CECR2: variants seen among roughly 807,000 people sequenced by gnomAD.
CECR2 encodes CECR2 histone acetyl-lysine reader.
A neutral mutation model predicts 154.5 loss-of-function variants in CECR2; 30 were observed. That is an observed-to-expected ratio of 0.19 (90% confidence interval 0.15 to 0.26). CECR2 has a LOEUF of 0.26. Ranked by LOEUF, CECR2 falls within the 10% of genes least tolerant of loss-of-function variation. The pLI is 1.00. For synonymous variants in CECR2, 725 were observed against 683.7 expected, an observed-to-expected ratio of 1.06 and a Z score of -0.94; for missense variants, 1,743 against 1,829.3, an observed-to-expected ratio of 0.95 and a Z score of 0.86.
intron 1 of CECR2, among the ~76,000 whole-genome samples, chr22:17,391,871 C>G (rs1429279123): frequency 3.3e-5 from 5 of 152,168 alleles, no homozygotes; most frequent in Non-Finnish European, 5.9e-5. Flanking sequence ...GCGCAATCTC[C>G]GCTCACTGTA....
chr22:17,407,906 TCTGAAGCCA>T (rs2054009171), intron 1 of CECR2, among the ~76,000 whole-genome samples: 1 of 152,200 alleles, frequency 6.6e-6, no homozygotes, highest in Admixed American at 6.5e-5. Context: ...GAAACGCTGG[TCTGAAGCCA>T]GCTTATCTTG....
chr22:17,491,294 C>G lies in CECR2; in HGVS notation c.222-6109C>G, dbSNP rs927092538. 9.9e-5 allele frequency among the ~76,000 whole-genome samples: 15 copies of G among 152,236 alleles called. No individual in the cohort carries two copies. In the East Asian group the frequency reaches 2.9e-3, roughly 29 times the overall value. ...TGGCGAAACTTCCACAGCAGCTGCA[C>G]ACTTAGCCTTCCCACCGGCCGTGTG... On this transcript the variant is annotated intron_variant, in intron 2 of 18. Coordinates refer to ENST00000262608, the MANE Select transcript of CECR2 (RefSeq NM_001290047.2).
intron 1 of CECR2, among the ~76,000 whole-genome samples, chr22:17,380,814 A>G (rs1276135027): frequency 1.3e-5 from 2 of 152,340 alleles, no homozygotes; most frequent in Middle Eastern, 3.4e-3. Flanking sequence ...AGTCTTGTTG[A>G]CTGCAAGAGT....
intron 1 of CECR2, among the ~76,000 whole-genome samples, chr22:17,452,774 A>T (rs887670709): frequency 6.6e-6 from 1 of 152,132 alleles, no homozygotes; most frequent in African/African-American, 2.4e-5. Context: ...AGGGAAGGTA[A>T]TTTTTGGAGC....
At chr22:17,429,672 C>T (rs967888396) in intron 1 of CECR2, among the ~76,000 whole-genome samples, 1 of 152,008 alleles carries the variant, frequency 6.6e-6, no homozygotes, top group Non-Finnish European at 1.5e-5. Flanking sequence ...AACTATACAG[C>T]GTTGGATGAG....
chr22:17,437,200 C>G (rs1388586481), intron 1 of CECR2, among the ~76,000 whole-genome samples: 1 of 152,114 alleles, frequency 6.6e-6, no homozygotes, highest in East Asian at 1.9e-4. Flanking sequence ...CATGTCTTCC[C>G]CTTCCCCCTT....
intron 8 of CECR2, among the ~76,000 whole-genome samples, chr22:17,517,036 G>A (rs929317147): frequency 6.6e-6 from 1 of 151,926 alleles, no homozygotes; most frequent in Non-Finnish European, 1.5e-5. Flanking sequence ...CTGCCACCAC[G>A]CCTGGCTAAT....
At chr22:17,536,772 CTT>C (rs915632916) in intron 9 of CECR2, among the ~76,000 whole-genome samples, 1 of 152,126 alleles carries the variant, frequency 6.6e-6, no homozygotes, top group African/African-American at 2.4e-5. Context: ...CAACCTTGTA[CTT>C]TTTCCTTTTT....
At chr22:17,433,772 A>C (rs2054462275) in intron 1 of CECR2, among the ~76,000 whole-genome samples, 1 of 152,190 alleles carries the variant, frequency 6.6e-6, no homozygotes, top group Non-Finnish European at 1.5e-5. Flanking sequence ...GTTACTGTGA[A>C]TATCCAAATA....
rs568504117 is a variant in CECR2 at position 17,548,736 on chromosome 22, C to G, written c.3449C>G (p.Ser1150Cys). ...QGVGPVMGGK[S>C]PASHPQHFPP... ...GTGGGCCCTGTGATGGGAGGGAAGT[C>G]CCCAGCATCCCATCCCCAGCATTTT... The change falls in exon 17 of 19, where the codon TCC (serine) becomes TGC (cysteine). Residue 1150 changes from serine to cysteine, a missense_variant. Ser to Cys is a moderately radical substitution (Grantham distance 112). Transcript: ENST00000262608. 1 of 1,613,612 alleles carries G rather than the reference C, an allele frequency of 6.2e-7. No individual in the cohort carries two copies. Among genetic ancestry groups the G allele is most frequent in the Non-Finnish European group, 8.5e-7 (1 of 1,179,786 alleles).
At chr22:17,404,364 C>CCTTTTTTTTTTTTTTTTTTTTTTTTTT (rs781954770) in intron 1 of CECR2, among the ~76,000 whole-genome samples, 1 of 59,608 alleles carries the variant, frequency 1.7e-5, no homozygotes, top group African/African-American at 7.5e-5. Flanking sequence ...GGACCCTGTT[C>CCTTTTTTTTTTTTTTTTTTTTTTTTTT]TTTCTTTTTT....
intron 1 of CECR2, among the ~76,000 whole-genome samples, chr22:17,467,798 A>G (rs2055058874): frequency 8.1e-6 from 1 of 123,268 alleles, no homozygotes; most frequent in Admixed American, 8.0e-5. Flanking sequence ...AAAGAAAGAA[A>G]GAGAGAGAGA....
At chr22:17,552,322 A>G (rs969792109) in intron 18 of CECR2, among the ~76,000 whole-genome samples, 180 bp downstream of exon 18, 8 of 152,100 alleles carry the variant, frequency 5.3e-5, no homozygotes, top group Non-Finnish European at 1.0e-4. Context: ...GTCACCTCTC[A>G]CATGTCTCTT....
chr22:17,539,345 G>A (rs1223825485), intron 13 of CECR2, among the ~76,000 whole-genome samples: 1 of 152,140 alleles, frequency 6.6e-6, no homozygotes, highest in African/African-American at 2.4e-5. Flanking sequence ...GGCTCATCCT[G>A]GAGACCAGTC....
At chr22:17,430,298 T>C (rs2054401908) in intron 1 of CECR2, among the ~76,000 whole-genome samples, 1 of 152,146 alleles carries the variant, frequency 6.6e-6, no homozygotes, top group Admixed American at 6.6e-5. Flanking sequence ...TGTGCACGGG[T>C]TCCTGATGAA....
intron 2 of CECR2, among the ~76,000 whole-genome samples, chr22:17,489,933 AAAC>A (rs1167464912): frequency 1.3e-5 from 2 of 151,390 alleles, no homozygotes; most frequent in East Asian, 3.9e-4. Flanking sequence ...TTTTTTCAAA[AAAC>A]AGGCATTTAA....
At position 17,537,228 on chromosome 22, in the gene CECR2, G is replaced by C; in HGVS notation, c.1234G>C (p.Asp412His). ...CATGAGAGAGGAAAAAAAGACTAAA[G>C]ACCTGTGAGTATTTAGTAACAACAA... Reference protein sequence around the residue: ...SPMREEKKTKDLFELDDDFTA... With the variant: ...SPMREEKKTKHLFELDDDFTA... The change falls in exon 10 of 19, where the codon GAC (aspartate) becomes CAC (histidine). Residue 412 changes from aspartate (D) to histidine (H), a missense_variant. Coordinates refer to ENST00000262608, the MANE Select transcript of CECR2 (RefSeq NM_001290047.2). 1 of 1,613,834 alleles carries C rather than the reference G, an allele frequency of 6.2e-7. No individual in the cohort carries two copies. Among genetic ancestry groups the C allele is most frequent in the Non-Finnish European group, 8.5e-7 (1 of 1,179,828 alleles).
chr22:17,506,647 T>G (rs1036742243), intron 7 of CECR2, among the ~76,000 whole-genome samples: 13 of 152,100 alleles, frequency 8.5e-5, no homozygotes, highest in African/African-American at 2.9e-4. Flanking sequence ...TTTCATGTTT[T>G]TTTGTTTGTT....
At chr22:17,373,175 G>A (rs1012930412) in intron 1 of CECR2, among the ~76,000 whole-genome samples, 1 of 152,066 alleles carries the variant, frequency 6.6e-6, no homozygotes, top group Non-Finnish European at 1.5e-5. Flanking sequence ...TGATTCTCCC[G>A]CCTCAGCCTC....
Sources: allele counts gnomAD v4.1 joint callset (sites outside exome capture counted in the v4.1 genomes callset), GRCh38; gene constraint gnomAD v4.1.1; transcripts MANE v1.5; gene names NCBI Gene and HGNC (gene_info 2026-07-23, HGNC 2026-07-21).